FA2H: variants seen among roughly 807,000 people sequenced by gnomAD.
The protein encoded by FA2H is fatty acid 2-hydroxylase.
In FA2H, 22 loss-of-function variants were observed where a neutral mutation model predicts 44.9. That is an observed-to-expected ratio of 0.49 (90% CI 0.35 to 0.70). The LOEUF (loss-of-function observed/expected upper bound fraction) is 0.70, where lower values mean the gene tolerates loss of function less well. Ranked by LOEUF, FA2H falls within the 30% of genes least tolerant of loss-of-function variation. The pLI is 0.01. For missense variants in FA2H, 501 were observed against 504.9 expected, an observed-to-expected ratio of 0.99 and a Z score of 0.07; for synonymous variants, 243 against 213.2, an observed-to-expected ratio of 1.14 and a Z score of -1.22.
At chr16:74,759,136 T>C (rs1020022460) in intron 1 of FA2H, among the ~76,000 whole-genome samples, 33 of 152,374 alleles carry the variant, frequency 2.2e-4, no homozygotes, top group African/African-American at 7.2e-4. Context: ...AAGGAGAAGA[T>C]ACTTAGGTGG....
intron 2 of FA2H, among the ~76,000 whole-genome samples, chr16:74,734,244 C>T (rs189564796): frequency 1.9e-3 from 289 of 152,330 alleles, no homozygotes; most frequent in African/African-American, 6.6e-3. Flanking sequence ...CCACGGCTCC[C>T]CCTACAGTAA....
At chr16:74,761,155 G>GA (rs2144658469) in intron 1 of FA2H, among the ~76,000 whole-genome samples, 1 of 152,144 alleles carries the variant, frequency 6.6e-6, no homozygotes, top group East Asian at 1.9e-4. Flanking sequence ...AAAATACTTT[G>GA]AAAAATGTAG....
chr16:74,724,657 C>T (rs1017660257), intron 4 of FA2H, among the ~76,000 whole-genome samples: 10 of 152,164 alleles, frequency 6.6e-5, no homozygotes, highest in Non-Finnish European at 1.3e-4. Context: ...CACGTGGAGA[C>T]GTTATCTCTC....
At chr16:74,719,997 A>C (rs1287724550) in intron 4 of FA2H, among the ~76,000 whole-genome samples, 1 of 152,008 alleles carries the variant, frequency 6.6e-6, no homozygotes, top group Non-Finnish European at 1.5e-5. Flanking sequence ...GAAGATGATC[A>C]GCCTAGGTGG....
chr16:74,757,923 G>T (rs1255534627), intron 1 of FA2H, among the ~76,000 whole-genome samples: 2 of 152,076 alleles, frequency 1.3e-5, no homozygotes, highest in Non-Finnish European at 2.9e-5. Flanking sequence ...GGAGGCTAAG[G>T]TGGGAGGATC....
intron 1 of FA2H, among the ~76,000 whole-genome samples, chr16:74,747,262 G>A (rs1962441582): frequency 1.3e-5 from 2 of 152,028 alleles, no homozygotes; most frequent in Admixed American, 1.3e-4. Context: ...AGTGAGCCGA[G>A]ATCTCGCCAC....
chr16:74,761,612 T>G (rs927140933), intron 1 of FA2H, among the ~76,000 whole-genome samples: 1 of 152,210 alleles, frequency 6.6e-6, no homozygotes, highest in African/African-American at 2.4e-5. Flanking sequence ...AAAAATCATG[T>G]AGATATTTAT....
intron 1 of FA2H, among the ~76,000 whole-genome samples, chr16:74,759,059 G>A (rs756451614): frequency 6.6e-6 from 1 of 152,176 alleles, no homozygotes; most frequent in East Asian, 1.9e-4. Context: ...CACCTGGCAG[G>A]TTCTCCCTTA....
intron 2 of FA2H, among the ~76,000 whole-genome samples, chr16:74,734,031 C>G (rs1312863661): frequency 6.6e-6 from 1 of 152,194 alleles, no homozygotes; most frequent in African/African-American, 2.4e-5. Context: ...TGACCGAAGA[C>G]CCCTCTCCTA....
rs35646878 is a variant in FA2H, at chr16:74,744,450, C to CTT, written c.271-4337_271-4336dup. Among the ~76,000 whole-genome samples the CTT allele has an allele frequency of 8.5e-5, 11 of 129,558 alleles. No homozygotes were observed. In the East Asian group the frequency reaches 1.4e-3, roughly 16 times the overall value. 85.0% of individuals were successfully genotyped at this position (129,558 alleles called of 152,430 possible). A position where few individuals can be genotyped will look rare whatever the true frequency, so the allele number is the denominator to read the frequency against. ...ATTTGGAAATTATTCCAGATGATGC[C>CTT]TTTTTTTTTTTTTTTTTTTGAAACA... On this transcript the variant is annotated intron_variant, in intron 1 of 6. Transcript: ENST00000219368.
intron 1 of FA2H, among the ~76,000 whole-genome samples, chr16:74,753,988 C>T (rs952153540): frequency 2.0e-5 from 3 of 152,266 alleles, no homozygotes; most frequent in South Asian, 4.1e-4. Flanking sequence ...CATGAGTCTT[C>T]GACATTGAAC....
intron 1 of FA2H, among the ~76,000 whole-genome samples, chr16:74,748,142 A>G (rs563629024): frequency 6.6e-6 from 1 of 152,324 alleles, no homozygotes; most frequent in African/African-American, 2.4e-5. Context: ...TTCCTAGCCC[A>G]CTGCTGCCCA....
intron 6 of FA2H, among the ~76,000 whole-genome samples, chr16:74,715,280 T>G (rs1365784485): frequency 6.6e-6 from 1 of 152,096 alleles, no homozygotes; most frequent in African/African-American, 2.4e-5. Context: ...GTATAAGAGT[T>G]GCTAATTATT....
intron 1 of FA2H, among the ~76,000 whole-genome samples, chr16:74,772,182 C>T (rs1962922597): frequency 6.6e-6 from 1 of 152,174 alleles, no homozygotes; most frequent in Admixed American, 6.5e-5. Flanking sequence ...CCTCTGGCCA[C>T]GTTGGTTTTA....
intron 1 of FA2H, among the ~76,000 whole-genome samples, chr16:74,770,390 G>C (rs1270041967): frequency 6.6e-6 from 1 of 151,754 alleles, no homozygotes. Flanking sequence ...TTGTTTGTTT[G>C]TTTTTGAGAC....
intron 4 of FA2H, among the ~76,000 whole-genome samples, chr16:74,724,526 C>T (rs924385171): frequency 1.3e-5 from 2 of 152,188 alleles, no homozygotes; most frequent in South Asian, 2.1e-4. Context: ...GATTCCAGTG[C>T]GTCCTTTGTC....
chr16:74,740,641 T>C (rs1239708014), intron 1 of FA2H, among the ~76,000 whole-genome samples: 1 of 145,846 alleles, frequency 6.9e-6, no homozygotes, highest in East Asian at 2.0e-4. Flanking sequence ...ATAATAATAA[T>C]AATAATAATA....
chr16:74,742,217 G>T (rs992926415), intron 1 of FA2H, among the ~76,000 whole-genome samples: 14 of 152,188 alleles, frequency 9.2e-5, no homozygotes, highest in African/African-American at 2.9e-4. Flanking sequence ...CATGTGGTGG[G>T]CCTGGCTGTG....
chr16:74,729,004 A>ATTTTTTTT (rs35360701), intron 2 of FA2H, among the ~76,000 whole-genome samples: 11 of 38,990 alleles, frequency 2.8e-4, no homozygotes, highest in African/African-American at 4.6e-4. Flanking sequence ...GATGGTCTTG[A>ATTTTTTTT]TTTTTTTTTT....
Sources: gnomAD v4.1 joint callset for allele counts (sites outside exome capture counted in the v4.1 genomes callset) on GRCh38, gnomAD v4.1.1 for gene constraint, MANE v1.5 for transcripts, NCBI Gene and HGNC (gene_info 2026-07-23, HGNC 2026-07-21) for gene names.